The following EFL1 variants were observed in gnomAD, a reference collection of about 807,000 sequenced individuals.
The protein encoded by EFL1 is elongation factor-like GTPase 1.
A neutral mutation model predicts 126.7 loss-of-function variants in EFL1; 76 were observed. That is an observed-to-expected ratio of 0.60 (90% CI 0.50 to 0.73). The LOEUF is 0.73. Ranked by LOEUF, EFL1 falls within the 30% of genes least tolerant of loss-of-function variation. The pLI, the probability that EFL1 is intolerant of heterozygous loss-of-function variation, is 0.00. For missense variants in EFL1, 1,128 were observed against 1,343.2 expected (o/e 0.84, Z 2.50); for synonymous variants, 410 against 448.4 (o/e 0.91, Z 1.08).
In EFL1 at chr15:82,252,793, A is replaced by G. The variant is rs1331089173; in HGVS notation, c.160-18T>C. ...TACCTTAACTGGAAAAATGCAACAT[A>G]TGCATCTTCACTTCCCAAAGAATTA... On this transcript the variant is annotated intron_variant, in intron 3 of 19. Transcript: ENST00000268206. 8.1e-6 allele frequency: 11 copies of G among 1,350,298 alleles called. No homozygotes were observed. The highest frequency in any genetic ancestry group is 1.2e-5 in the Non-Finnish European group (11 of 947,246). The allele number at this position is 1,350,298 out of a possible 1,614,324, so 83.6% of individuals were successfully genotyped here. A position where few individuals can be genotyped will look rare whatever the true frequency, so the allele number is the denominator to read the frequency against.
At chr15:82,219,619 A>G (rs1263277557) in intron 14 of EFL1, 33 bp downstream of exon 14, 2 of 1,578,566 alleles carry the variant, frequency 1.3e-6, no homozygotes, top group Non-Finnish European at 1.7e-6. Context: ...CCCTCGAGAA[A>G]CAATATATAA....
chr15:82,219,788 G>C lies in EFL1; in HGVS notation c.1475C>G (p.Pro492Arg). ...GDEQQVESMTPKPVLQEENNQ... is the reference protein window; with the variant it reads ...GDEQQVESMTRKPVLQEENNQ... ...GTTTTCTTCCTGGAGCACAGGTTTAGGGGTCATACTTTCCACCTGTTGCTC... is the reference window on the plus strand; with the variant it reads ...GTTTTCTTCCTGGAGCACAGGTTTACGGGTCATACTTTCCACCTGTTGCTC... The change falls in exon 14 of 20, where the codon CCT (proline) becomes CGT (arginine). Residue 492 changes from proline (P) to arginine (R), a missense_variant. Around this residue, in one of 6 missense-constraint regions of EFL1, gnomAD observed 120 missense variants for 142.1 expected, o/e 0.84. Transcript: ENST00000268206. 1 of 1,610,900 alleles carries C rather than the reference G, an allele frequency of 6.2e-7. No individual in the cohort carries two copies.
At chr15:82,131,945 C>A (rs1374839144) in intron 19 of EFL1, among the ~76,000 whole-genome samples, 1 of 151,954 alleles carries the variant, frequency 6.6e-6, no homozygotes, top group Non-Finnish European at 1.5e-5. Flanking sequence ...AGTCAAGAGC[C>A]ATCAAGTATG....
intron 18 of EFL1, among the ~76,000 whole-genome samples, chr15:82,144,619 G>C (rs2073823183): frequency 6.6e-6 from 1 of 152,152 alleles, no homozygotes; most frequent in South Asian, 2.1e-4. Context: ...CACAGTATTG[G>C]CACATGCAGC....
chr15:82,246,321 A>G (rs2074972527), intron 4 of EFL1, among the ~76,000 whole-genome samples: 1 of 152,142 alleles, frequency 6.6e-6, no homozygotes, highest in African/African-American at 2.4e-5. Flanking sequence ...AAGAACCAGA[A>G]TAAGAAACCC....
chr15:82,157,527 G>C, intron 17 of EFL1, 186 bp downstream of exon 17: 1 of 632,084 alleles, frequency 1.6e-6, no homozygotes, highest in Non-Finnish European at 2.4e-6. Flanking sequence ...AGTGTAGGCA[G>C]TGAATGCCAT....
chr15:82,246,337 T>TA (rs1488050825), intron 4 of EFL1, among the ~76,000 whole-genome samples: 2 of 151,628 alleles, frequency 1.3e-5, no homozygotes, highest in African/African-American at 4.8e-5. Flanking sequence ...AACCCTGGAG[T>TA]AAAAAAAAGG....
At chr15:82,193,622 C>A (rs2074381136) in intron 15 of EFL1, among the ~76,000 whole-genome samples, 2 of 152,274 alleles carry the variant, frequency 1.3e-5, no homozygotes, top group Admixed American at 1.3e-4. Flanking sequence ...TTGTCAGGCA[C>A]TGTAAACTGC....
At chr15:82,183,838 A>AGT (rs1209278057) in intron 15 of EFL1, among the ~76,000 whole-genome samples, 4 of 152,238 alleles carry the variant, frequency 2.6e-5, no homozygotes, top group Non-Finnish European at 4.4e-5. Flanking sequence ...ACTGCAAAGC[A>AGT]CTGGGAAGTC....
At chr15:82,247,202 C>T (rs183312323) in intron 4 of EFL1, among the ~76,000 whole-genome samples, 1 of 151,992 alleles carries the variant, frequency 6.6e-6, no homozygotes, top group African/African-American at 2.4e-5. Context: ...CTGGGAGAAT[C>T]AAAGATTGTA....
chr15:82,219,335 C>A lies in EFL1; in HGVS notation c.1611+317G>T, dbSNP rs1404606306. ...CCTATTTCTCAAAGACCGGCCATTG[C>A]CCTGGCTCCAGCATGACATCTGCTC... On this transcript the variant is annotated intron_variant, in intron 14 of 19. Coordinates refer to ENST00000268206, the MANE Select transcript of EFL1 (RefSeq NM_024580.6). 4.6e-5 allele frequency among the ~76,000 whole-genome samples: 7 copies of A among 152,284 alleles called. No homozygotes were observed. The East Asian group carries it at 1.4e-3, about 29-fold the overall frequency.
intron 7 of EFL1, among the ~76,000 whole-genome samples, chr15:82,232,655 C>T (rs1287183295): frequency 1.3e-5 from 2 of 152,144 alleles, no homozygotes; most frequent in African/African-American, 4.8e-5. Context: ...GTTAATATTG[C>T]CAAACCTCTC....
chr15:82,134,167 GC>G (rs1302759716), intron 19 of EFL1, among the ~76,000 whole-genome samples: 1 of 152,208 alleles, frequency 6.6e-6, no homozygotes, highest in Non-Finnish European at 1.5e-5. Context: ...TGTGTGGACA[GC>G]CTGAAGCCAC....
At chr15:82,162,469 T>C (rs1453062336) in intron 16 of EFL1, among the ~76,000 whole-genome samples, 1 of 152,216 alleles carries the variant, frequency 6.6e-6, no homozygotes, top group Non-Finnish European at 1.5e-5. Flanking sequence ...CTTGTATGTA[T>C]TTCTTAGGAT....
chr15:82,137,995 C>T (rs1190246470), intron 19 of EFL1, among the ~76,000 whole-genome samples: 1 of 152,158 alleles, frequency 6.6e-6, no homozygotes, highest in African/African-American at 2.4e-5. Flanking sequence ...TGTTCACAAT[C>T]TTTCCTTCTC....
chr15:82,235,397 A>G (rs12594136), intron 7 of EFL1, among the ~76,000 whole-genome samples: 15,529 of 152,216 alleles, frequency 0.1, 1,154 homozygotes, highest in East Asian at 0.35. Flanking sequence ...AAGAAGATAA[A>G]CAAAAAACTG....
At chr15:82,192,636 A>C (rs1312651924) in intron 15 of EFL1, among the ~76,000 whole-genome samples, 2 of 152,156 alleles carry the variant, frequency 1.3e-5, no homozygotes, top group Non-Finnish European at 2.9e-5. Context: ...CAACACCATG[A>C]GGTGGAAAGC....
chr15:82,214,236 T>C (rs1193032341), intron 15 of EFL1, among the ~76,000 whole-genome samples: 2 of 152,140 alleles, frequency 1.3e-5, no homozygotes, highest in African/African-American at 4.8e-5. Context: ...GTGATAACAT[T>C]AAGGAGATGA....
At chr15:82,226,144 A>C (rs2074761099) in intron 11 of EFL1, among the ~76,000 whole-genome samples, 4 of 151,474 alleles carry the variant, frequency 2.6e-5, no homozygotes, top group Non-Finnish European at 5.9e-5. Flanking sequence ...CAGGGATACT[A>C]GTTGTTTCAT....
Sources: gnomAD v4.1 joint callset for allele counts (sites outside exome capture counted in the v4.1 genomes callset) on GRCh38, gnomAD v4.1.1 for gene constraint, gnomAD v4.1.1 regional missense constraint, MANE v1.5 for transcripts, NCBI Gene and HGNC (gene_info 2026-07-23, HGNC 2026-07-21) for gene names.